CMIP: variants seen among roughly 807,000 people sequenced by gnomAD.
CMIP encodes the protein C-Maf-inducing protein.
CMIP carries 13 observed loss-of-function variants against 97.3 expected under a neutral mutation model. That is an observed-to-expected ratio of 0.13 (90% CI 0.09 to 0.21). The LOEUF (loss-of-function observed/expected upper bound fraction) is 0.21. Among genes scored for constraint, CMIP ranks in the 10% least tolerant of loss-of-function variants. CMIP has a pLI of 1.00. For missense variants in CMIP, 847 were observed against 1,024.9 expected (o/e 0.83, Z 2.37); for synonymous variants, 538 against 436.3 (o/e 1.23, Z -2.91).
Position 81,603,945 on chromosome 16 carries a change from A to G in CMIP, c.301-3622A>G, listed in dbSNP as rs2091699388. On this transcript the variant is annotated intron_variant, in intron 1 of 20. Transcript: ENST00000537098. The stretch of plus-strand genomic sequence containing the variant: ...AATTCTACCTATTAAATAAATTCTC[A>G]TCTTAACCAGTAGAGGAAATGAACT... 2.0e-5 allele frequency among the ~76,000 whole-genome samples: 3 copies of G among 152,206 alleles called. No homozygotes were observed. In the South Asian group the frequency reaches 6.2e-4, roughly 31 times the overall value.
chr16:81,501,608 CTT>C (rs1046564135), intron 1 of CMIP, among the ~76,000 whole-genome samples: 4 of 129,306 alleles, frequency 3.1e-5, no homozygotes, highest in African/African-American at 5.7e-5. Context: ...GACTCTGGTT[CTT>C]TTTTTTTTTT....
chr16:81,481,006 C>G (rs531107769), intron 1 of CMIP, among the ~76,000 whole-genome samples: 4 of 152,344 alleles, frequency 2.6e-5, no homozygotes, highest in African/African-American at 9.6e-5. Flanking sequence ...CCAGTTTGAA[C>G]TAGTGGTGGG....
chr16:81,707,549 A>G (rs1908287687), intron 20 of CMIP, among the ~76,000 whole-genome samples: 1 of 152,232 alleles, frequency 6.6e-6, no homozygotes. Flanking sequence ...CTGTTAGGAA[A>G]TAAATATTTT....
chr16:81,617,515 A>C (rs528450967), intron 2 of CMIP: 2 of 152,438 alleles, frequency 1.3e-5, no homozygotes, highest in South Asian at 2.1e-4. Context: ...CCTAAGACTC[A>C]TGAGCCAGGG....
intron 1 of CMIP, among the ~76,000 whole-genome samples, chr16:81,455,108 G>T (rs367749064): frequency 6.6e-6 from 1 of 152,242 alleles, no homozygotes; most frequent in African/African-American, 2.4e-5. Context: ...ACCCTGGGGC[G>T]GGTGGTGCTT....
At chr16:81,545,536 C>T (rs1337726480) in intron 1 of CMIP, among the ~76,000 whole-genome samples, 1 of 152,182 alleles carries the variant, frequency 6.6e-6, no homozygotes. Flanking sequence ...TTAATCCACA[C>T]AGCTTATGTG....
intron 1 of CMIP, among the ~76,000 whole-genome samples, chr16:81,535,818 C>T (rs575687677): frequency 6.6e-6 from 1 of 152,274 alleles, no homozygotes; most frequent in South Asian, 2.1e-4. Context: ...GGCTGACAAG[C>T]TGTTACAGTG....
intron 15 of CMIP, among the ~76,000 whole-genome samples, chr16:81,701,399 C>T (rs988719453): frequency 8.5e-5 from 13 of 152,214 alleles, no homozygotes; most frequent in Non-Finnish European, 1.5e-4. Flanking sequence ...CATGTCCAGA[C>T]ACCGCACGGT....
intron 1 of CMIP, among the ~76,000 whole-genome samples, chr16:81,579,554 A>G (rs2091259869): frequency 1.3e-5 from 2 of 152,146 alleles, no homozygotes; most frequent in South Asian, 4.1e-4. Flanking sequence ...GAAAATGTGG[A>G]CTTGGAGAGA....
At chr16:81,526,382 A>G (rs891224268) in intron 1 of CMIP, among the ~76,000 whole-genome samples, 16 of 152,244 alleles carry the variant, frequency 1.1e-4, no homozygotes, top group Non-Finnish European at 1.8e-4. Context: ...TGGTGTTAGC[A>G]GTGCCTGTGA....
chr16:81,505,705 A>G (rs770179173), intron 1 of CMIP, among the ~76,000 whole-genome samples: 1 of 152,176 alleles, frequency 6.6e-6, no homozygotes, highest in Admixed American at 6.5e-5. Context: ...TTAAATCAGG[A>G]ACAGGCTGGG....
At chr16:81,447,985 T>C (rs1451327630) in intron 1 of CMIP, among the ~76,000 whole-genome samples, 3 of 152,248 alleles carry the variant, frequency 2.0e-5, no homozygotes, top group African/African-American at 7.2e-5. Flanking sequence ...TTATGTAATC[T>C]GTCTGCGTTT....
chr16:81,487,911 G>C (rs1397684041), intron 1 of CMIP, among the ~76,000 whole-genome samples: 2 of 152,158 alleles, frequency 1.3e-5, no homozygotes, highest in Non-Finnish European at 1.5e-5. Flanking sequence ...GTTACTAGAC[G>C]ATCTTCGAAT....
At chr16:81,696,382 C>T (rs1291478722) in intron 13 of CMIP, 178 bp from the exon 14 acceptor site, 11 of 663,120 alleles carry the variant, frequency 1.7e-5, no homozygotes, top group Non-Finnish European at 2.4e-5. Context: ...CGGTATTTCC[C>T]GAAAGACCTT....
intron 1 of CMIP, among the ~76,000 whole-genome samples, chr16:81,448,306 A>T (rs751205147): frequency 4.6e-5 from 7 of 152,252 alleles, no homozygotes; most frequent in Non-Finnish European, 1.0e-4. Flanking sequence ...ACCAATAAAC[A>T]AGCCAAATAC....
chr16:81,622,925 C>A (rs1485546238), intron 3 of CMIP, among the ~76,000 whole-genome samples: 1 of 152,180 alleles, frequency 6.6e-6, no homozygotes, highest in Non-Finnish European at 1.5e-5. Flanking sequence ...AAGGATTGGC[C>A]AGGTGTGGTG....
chr16:81,512,973 G>A (rs2089841903), intron 1 of CMIP, among the ~76,000 whole-genome samples: 2 of 152,322 alleles, frequency 1.3e-5, no homozygotes, highest in East Asian at 1.9e-4. Context: ...TTGGTCTCAA[G>A]CAATCCGCCC....
intron 9 of CMIP, among the ~76,000 whole-genome samples, chr16:81,674,248 G>A (rs968547572): frequency 6.6e-6 from 1 of 152,162 alleles, no homozygotes; most frequent in Non-Finnish European, 1.5e-5. Flanking sequence ...TGACAGCACG[G>A]TGAGGCAAAA....
At chr16:81,582,126 A>G (rs2091306007) in intron 1 of CMIP, among the ~76,000 whole-genome samples, 1 of 152,052 alleles carries the variant, frequency 6.6e-6, no homozygotes, top group East Asian at 1.9e-4. Context: ...CAACAATACC[A>G]AGAGGGATGG....
Sources: gnomAD v4.1 joint callset for allele counts (sites outside exome capture counted in the v4.1 genomes callset) on GRCh38, gnomAD v4.1.1 for gene constraint, MANE v1.5 for transcripts, NCBI Gene and HGNC (gene_info 2026-07-23, HGNC 2026-07-21) for gene names.